The following CSMD1 variants were observed in gnomAD, a reference collection of about 807,000 sequenced individuals.
CSMD1 encodes the protein CUB and Sushi multiple domains 1, also known as CUB and sushi domain-containing protein 1.
CSMD1 carries 213 observed loss-of-function variants against 417.5 expected under a neutral mutation model. The ratio of observed to expected loss-of-function variants is 0.51; its 90% CI spans 0.46 to 0.57. CSMD1 has a LOEUF of 0.57. CSMD1 is among the 20% of genes least tolerant of loss of function. The pLI, the probability that CSMD1 is intolerant of heterozygous loss-of-function variation, is 0.00. For synonymous variants in CSMD1, 2,862 were observed against 1,736.8 expected, an observed-to-expected ratio of 1.65 and a Z score of -16.11; for missense variants, 6,923 against 4,529.7, an observed-to-expected ratio of 1.53 and a Z score of -15.17.
intron 5 of CSMD1, among the ~76,000 whole-genome samples, chr8:3,923,961 T>C (rs1809461385): frequency 6.6e-6 from 1 of 152,212 alleles, no homozygotes; most frequent in Non-Finnish European, 1.5e-5. Flanking sequence ...TATTAGAATA[T>C]TCTGAATTTG....
chr8:4,931,567 T>C (rs1807252131), intron 1 of CSMD1, among the ~76,000 whole-genome samples: 1 of 135,014 alleles, frequency 7.4e-6, no homozygotes, highest in South Asian at 2.4e-4. Context: ...CTATAGCTGA[T>C]TTCAAGAAAA....
chr8:3,797,439 C>T (rs959308826), intron 5 of CSMD1, among the ~76,000 whole-genome samples: 1 of 151,926 alleles, frequency 6.6e-6, no homozygotes, highest in African/African-American at 2.4e-5. Flanking sequence ...GTTTCCATCC[C>T]TTCCCTCCAC....
intron 3 of CSMD1, among the ~76,000 whole-genome samples, chr8:4,187,558 C>T (rs546905082): frequency 4.8e-4 from 73 of 151,302 alleles, no homozygotes; most frequent in Admixed American, 5.3e-4. Flanking sequence ...GTAGGAGAAT[C>T]GCCTGAACCC....
intron 5 of CSMD1, among the ~76,000 whole-genome samples, chr8:3,828,412 G>A (rs1473324751): frequency 6.6e-6 from 1 of 151,708 alleles, no homozygotes. Context: ...TTGTCATATT[G>A]CAACAGCCTC....
At chr8:3,362,050 T>A (rs1370941012) in intron 20 of CSMD1, among the ~76,000 whole-genome samples, 1 of 152,078 alleles carries the variant, frequency 6.6e-6, no homozygotes, top group Non-Finnish European at 1.5e-5. Context: ...AAGATTTTGT[T>A]CTTGGAGTTT....
intron 3 of CSMD1, among the ~76,000 whole-genome samples, chr8:4,171,625 G>C (rs1244245335): frequency 1.3e-5 from 2 of 151,198 alleles, no homozygotes; most frequent in Non-Finnish European, 2.9e-5. Flanking sequence ...ATTTCACTAA[G>C]CCAAATCCCA....
intron 3 of CSMD1, among the ~76,000 whole-genome samples, chr8:4,121,310 C>A (rs1180047608): frequency 6.6e-6 from 1 of 151,856 alleles, no homozygotes; most frequent in Non-Finnish European, 1.5e-5. Flanking sequence ...AGACACCGTT[C>A]CACCATGTTG....
At chr8:4,138,345 A>G (rs1045586663) in intron 3 of CSMD1, among the ~76,000 whole-genome samples, 3 of 151,848 alleles carry the variant, frequency 2.0e-5, no homozygotes, top group African/African-American at 7.3e-5. Flanking sequence ...GTTGTGGCAA[A>G]GCTGGGGCAA....
intron 10 of CSMD1, among the ~76,000 whole-genome samples, chr8:3,553,022 G>C (rs7844793): frequency 6.6e-6 from 1 of 151,634 alleles, no homozygotes; most frequent in African/African-American, 2.4e-5. Flanking sequence ...ATTACTGGTA[G>C]TTTTGCAGAA....
At chr8:3,431,596 C>G (rs1814221469) in intron 12 of CSMD1, among the ~76,000 whole-genome samples, 2 of 152,114 alleles carry the variant, frequency 1.3e-5, no homozygotes, top group Non-Finnish European at 2.9e-5. Context: ...TCTTCTATCT[C>G]TACTTGATTT....
At chr8:3,983,135 C>CTTTTTTTTTTTTTTTTTTT (rs201667296) in intron 5 of CSMD1, among the ~76,000 whole-genome samples, 3 of 133,512 alleles carry the variant, frequency 2.2e-5, no homozygotes, top group African/African-American at 8.7e-5. Flanking sequence ...ATCTTTCTTT[C>CTTTTTTTTTTTTTTTTTTT]TTTTTTTTTT....
intron 1 of CSMD1, among the ~76,000 whole-genome samples, chr8:4,771,054 A>G (rs779117900): frequency 6.6e-6 from 1 of 152,236 alleles, no homozygotes; most frequent in Non-Finnish European, 1.5e-5. Context: ...TCCAAACCAT[A>G]TATCAGATAA....
chr8:4,321,274 G>T (rs1190830132), intron 3 of CSMD1, among the ~76,000 whole-genome samples: 6 of 152,204 alleles, frequency 3.9e-5, no homozygotes, highest in African/African-American at 1.4e-4. Flanking sequence ...TCCTCGGTGT[G>T]TTGGTATGTT....
chr8:4,960,452 C>G (rs970295303), intron 1 of CSMD1, among the ~76,000 whole-genome samples: 1 of 152,160 alleles, frequency 6.6e-6, no homozygotes, highest in Non-Finnish European at 1.5e-5. Flanking sequence ...CTGGCATGTG[C>G]TGGGGATAAA....
intron 3 of CSMD1, among the ~76,000 whole-genome samples, chr8:4,369,454 C>A (rs1594352): frequency 3.3e-5 from 5 of 151,968 alleles, no homozygotes; most frequent in African/African-American, 2.4e-5. Flanking sequence ...ATGTCTCTGA[C>A]GTATAATTAG....
Position 4,637,352 on chromosome 8 carries a change from A to G in CSMD1, c.292T>C (p.Leu98=). 1 of 1,613,132 alleles carries G rather than the reference A, an allele frequency of 6.2e-7. No individual in the cohort carries two copies. The highest frequency in any genetic ancestry group is 8.5e-7 in the Non-Finnish European group (1 of 1,179,074). The change falls in exon 2 of 70, where the codon TTA becomes CTA. Residue 98 remains leucine (L), a synonymous_variant. Transcript: ENST00000635120. ...VYDGQPQQGN[L]KVRLSGFQLP... Reference sequence around the variant, plus strand: ...AAGTTGATACCTTACCTCACTTTTAAATTCCCTTGTTGAGGCTGTCCATCG... The same window carrying G: ...AAGTTGATACCTTACCTCACTTTTAGATTCCCTTGTTGAGGCTGTCCATCG...
At position 3,666,369 on chromosome 8, in the gene CSMD1, C is replaced by G. The variant is rs148494493; in HGVS notation, c.1009+42045G>C. 9.7e-3 allele frequency among the ~76,000 whole-genome samples: 1,482 copies of G among 152,266 alleles called. 7 individuals carry two copies. The highest frequency in any genetic ancestry group is 0.024 in the Middle Eastern group (7 of 294). ...GCCTGTCCGTTTAAAATGACATATT[C>G]AGTAGAGTTCAAGTAATTGATTAAA... On this transcript the variant is annotated intron_variant, in intron 7 of 69. Coordinates refer to ENST00000635120, the MANE Select transcript of CSMD1 (RefSeq NM_033225.6).
chr8:4,924,604 C>T lies in CSMD1; in HGVS notation c.85+69728G>A, dbSNP rs60406806. Among the ~76,000 whole-genome samples the T allele has an allele frequency of 6.8e-3, 1,038 of 151,746 alleles. 10 individuals are homozygous for T. The highest frequency in any genetic ancestry group is 0.024 in the African/African-American group (990 of 41,360). On this transcript the variant is annotated intron_variant, in intron 1 of 69. Coordinates refer to ENST00000635120, the MANE Select transcript of CSMD1 (RefSeq NM_033225.6). ...TGGTGTGGTGGCCCGTGCCTGTAAT[C>T]CCAGCTACTCAGGAGGCTGAGACAA...
At chr8:3,439,752 T>C (rs1184049119) in intron 12 of CSMD1, among the ~76,000 whole-genome samples, 2 of 152,172 alleles carry the variant, frequency 1.3e-5, no homozygotes, top group African/African-American at 4.8e-5. Flanking sequence ...ATTGCAAATA[T>C]TTCCTCATAT....
Sources: allele counts gnomAD v4.1 joint callset (sites outside exome capture counted in the v4.1 genomes callset), GRCh38; gene constraint gnomAD v4.1.1; transcripts MANE v1.5; gene names NCBI Gene and HGNC (gene_info 2026-07-23, HGNC 2026-07-21).